NWD1: variants seen among roughly 807,000 people sequenced by gnomAD.
NWD1 encodes NACHT domain- and WD repeat-containing protein 1.
Under a neutral mutation model 135.1 loss-of-function variants are expected in NWD1, and 129 were observed. The ratio of observed to expected loss-of-function variants is 0.96; its 90% CI spans 0.83 to 1.11. The LOEUF (loss-of-function observed/expected upper bound fraction) is 1.11. Ranked by LOEUF, NWD1 falls within the 50% of genes least tolerant of loss-of-function variation. The pLI is 0.00. For missense variants in NWD1, 1,740 were observed against 1,851.3 expected, an observed-to-expected ratio of 0.94 and a Z score of 1.10; for synonymous variants, 773 against 786.0, an observed-to-expected ratio of 0.98 and a Z score of 0.28.
chr19:16,745,147 G>A (rs1375751616), intron 5 of NWD1: 2 of 447,454 alleles, frequency 4.5e-6, no homozygotes, highest in African/African-American at 2.0e-5. Context: ...CATGGTGGCA[G>A]GTAAGACAGA....
intron 16 of NWD1, among the ~76,000 whole-genome samples, chr19:16,799,387 G>A (rs981970823): frequency 2.0e-5 from 3 of 151,852 alleles, no homozygotes; most frequent in Admixed American, 1.3e-4. Flanking sequence ...GTAGAGATGG[G>A]GTTTCACCAT....
chr19:16,746,904 T>C (rs1193979238), intron 5 of NWD1, among the ~76,000 whole-genome samples: 2 of 152,132 alleles, frequency 1.3e-5, no homozygotes, highest in African/African-American at 4.8e-5. Flanking sequence ...GAGGAGGGGT[T>C]GGTCTTGCTG....
chr19:16,749,564 G>T lies in NWD1; in HGVS notation c.922G>T (p.Val308Phe). The T allele has an allele frequency of 6.2e-7, 1 of 1,613,502 alleles. No homozygotes were observed. The highest frequency in any genetic ancestry group is 2.2e-5 in the East Asian group (1 of 44,858). Reference protein sequence around the residue: ...IRHHLWQSSEVIQTFCGRQEL... With the variant: ...IRHHLWQSSEFIQTFCGRQEL... ...CCACCACCTTTGGCAGAGCTCGGAGGTCATTCAGACCTTCTGCGGACGCCA... is the reference window on the plus strand; with the variant it reads ...CCACCACCTTTGGCAGAGCTCGGAGTTCATTCAGACCTTCTGCGGACGCCA... Residue 308 changes from valine (V) to phenylalanine (F), a missense_variant, in exon 6 of 19, where the codon GTC becomes TTC. Transcript: ENST00000524140.
At position 16,797,865 on chromosome 19, in the gene NWD1, G is replaced by A; in HGVS notation, c.3438G>A (p.Gly1146=). The change falls in exon 16 of 19, where the codon GGG becomes GGA. Residue 1146 remains glycine, a synonymous_variant. Transcript: ENST00000524140. ...FGTENNLIIT[G]SLDALIQVWS... ...CTGAGAACAACCTGATCATCACGGG[G>A]TCCCTTGATGCGCTCATTCAGGTGA... 6.2e-7 allele frequency: 1 copy of A among 1,613,878 alleles called. No individual in the cohort carries two copies. The highest frequency in any genetic ancestry group is 1.1e-5 in the South Asian group (1 of 91,066).
chr19:16,756,212 A>ATT (rs1189352737), intron 6 of NWD1, among the ~76,000 whole-genome samples: 1 of 152,156 alleles, frequency 6.6e-6, no homozygotes, highest in Non-Finnish European at 1.5e-5. Context: ...AGATCACGCC[A>ATT]TTGCACTTGA....
At chr19:16,782,937 CCCTT>C (rs1483020968) in intron 12 of NWD1, among the ~76,000 whole-genome samples, 2 of 143,974 alleles carry the variant, frequency 1.4e-5, no homozygotes, top group Non-Finnish European at 3.0e-5. Flanking sequence ...TTCCTTCCTT[CCCTT>C]CCTTCCCCCC....
At chr19:16,757,832 A>G (rs1165977200) in intron 6 of NWD1, among the ~76,000 whole-genome samples, 1 of 152,126 alleles carries the variant, frequency 6.6e-6, no homozygotes, top group Non-Finnish European at 1.5e-5. Context: ...CAGGCAGATC[A>G]CCTGAGATCA....
intron 10 of NWD1, among the ~76,000 whole-genome samples, chr19:16,767,329 G>A (rs1000368376): frequency 1.8e-4 from 28 of 151,764 alleles, no homozygotes; most frequent in African/African-American, 6.5e-4. Context: ...TAAAACCATC[G>A]GACGGCCAGG....
rs11307357 is a variant in NWD1 at position 16,751,224 on chromosome 19, C to CA, written c.1769+830dup. 9.8e-3 allele frequency among the ~76,000 whole-genome samples: 1,123 copies of CA among 114,294 alleles called. 7 individuals carry two copies. Among genetic ancestry groups the CA allele is most frequent in the South Asian group, 0.035 (127 of 3,646 alleles). The allele number at this position is 114,294 out of a possible 152,430, so 75.0% of individuals were successfully genotyped here. A position where few individuals can be genotyped will look rare whatever the true frequency, so the allele number is the denominator to read the frequency against. ...GGGCAACAAGAGCAAAACTCGATCT[C>CA]AAAAAAAAAAAAAAAAATGCAATAA... On this transcript the variant is annotated intron_variant, in intron 6 of 18. Transcript: ENST00000524140.
rs1968517362 is a variant in NWD1, at chr19:16,750,203, G to A, written c.1561G>A (p.Asp521Asn). The stretch of plus-strand genomic sequence containing the variant: ...GAGGACGCTGAGCCCGGTGCACACA[G>A]ATTTGCTCTGGGCCAGCCTCCCAGA... ...ARRTLSPVHT[D>N]LLWASLPECG... The change falls in exon 6 of 19, where the codon GAT (aspartate) becomes AAT (asparagine). Residue 521 changes from aspartate (D) to asparagine (N), a missense_variant. Physicochemically the swap from Asp to Asn is conservative, Grantham distance 23. Transcript: ENST00000524140. The A allele has an allele frequency of 6.8e-6, 11 of 1,613,412 alleles. No individual in the cohort carries two copies. Among genetic ancestry groups the A allele is most frequent in the Non-Finnish European group, 9.3e-6 (11 of 1,179,752 alleles).
Position 16,736,724 on chromosome 19 carries a change from A to C in NWD1, c.172A>C (p.Lys58Gln), listed in dbSNP as rs1568338335. ...LCLEEVDRCW[K>Q]TSIGPAFVAL... The stretch of plus-strand genomic sequence containing the variant: ...CTTGGAGGAGGTTGACCGGTGTTGG[A>C]AAACATCCATAGGGCCAGCTTTTGT... The change falls in exon 4 of 19, where the codon AAA becomes CAA. Residue 58 changes from lysine to glutamine, a missense_variant. By Grantham distance (53) the Lys-to-Gln change is moderately conservative (BLOSUM62 1). Transcript: ENST00000524140. 3 of 1,535,652 alleles carry C rather than the reference A, an allele frequency of 2.0e-6. No homozygotes were observed. Among genetic ancestry groups the C allele is most frequent in the Non-Finnish European group, 2.6e-6 (3 of 1,146,166 alleles).
At chr19:16,748,685 G>A (rs1197378531) in intron 5 of NWD1, among the ~76,000 whole-genome samples, 2 of 152,046 alleles carry the variant, frequency 1.3e-5, no homozygotes, top group Non-Finnish European at 2.9e-5. Context: ...TTAGCCAGGC[G>A]TGCTAGTGCA....
At chr19:16,769,063 G>A (rs964668113) in intron 10 of NWD1, among the ~76,000 whole-genome samples, 1 of 152,186 alleles carries the variant, frequency 6.6e-6, no homozygotes, top group African/African-American at 2.4e-5. Context: ...CGGCCGGGGT[G>A]GCTCAAGCCT....
intron 10 of NWD1, among the ~76,000 whole-genome samples, chr19:16,771,412 C>T (rs908738238): frequency 6.6e-6 from 1 of 152,096 alleles, no homozygotes; most frequent in Non-Finnish European, 1.5e-5. Context: ...ATCACGCCAC[C>T]GCACTCCAAC....
chr19:16,727,689 T>G (rs73008524), intron 2 of NWD1: 1,887 of 153,304 alleles, frequency 0.012, 19 homozygotes, highest in Non-Finnish European at 0.02. Context: ...GTGCAGGGTA[T>G]GGATGGGGGC....
At chr19:16,761,592 AC>A (rs1483189839) in intron 7 of NWD1, among the ~76,000 whole-genome samples, 1 of 151,332 alleles carries the variant, frequency 6.6e-6, no homozygotes, top group Non-Finnish European at 1.5e-5. Flanking sequence ...TGAACTCCTG[AC>A]CTCAGGTGAT....
intron 17 of NWD1, among the ~76,000 whole-genome samples, chr19:16,807,122 A>G (rs1407884212): frequency 6.6e-6 from 1 of 150,440 alleles, no homozygotes; most frequent in Non-Finnish European, 1.5e-5. Context: ...CAAAAGTTGG[A>G]GGCTGCAGTG....
chr19:16,773,240 C>G lies in NWD1; in HGVS notation c.2525C>G (p.Ala842Gly). The G allele has an allele frequency of 6.2e-7, 1 of 1,613,756 alleles. No individual in the cohort carries two copies. Among genetic ancestry groups the G allele is most frequent in the East Asian group, 2.2e-5 (1 of 44,876 alleles). Residue 842 changes from alanine to glycine, a missense_variant, in exon 11 of 19, where the codon GCA becomes GGA. Ala to Gly is a moderately conservative substitution (Grantham distance 60). Coordinates refer to ENST00000524140, the MANE Select transcript of NWD1 (RefSeq NM_001007525.5). ...GCCCAGAGCTGGTTCCAGTTGTGCGCACACCCTGTGCTGGTGCCCCTCGGA... is the reference window on the plus strand; with the variant it reads ...GCCCAGAGCTGGTTCCAGTTGTGCGGACACCCTGTGCTGGTGCCCCTCGGA... ...QQAQSWFQLC[A>G]HPVLVPLGGF...
chr19:16,807,388 G>C (rs188825171), intron 17 of NWD1, among the ~76,000 whole-genome samples, 198 bp from the exon 18 acceptor site: 2 of 152,226 alleles, frequency 1.3e-5, no homozygotes, highest in East Asian at 3.9e-4. Context: ...AGCTACTCGG[G>C]AGGCTGCGGC....
Sources: allele counts gnomAD v4.1 joint callset (sites outside exome capture counted in the v4.1 genomes callset), GRCh38; gene constraint gnomAD v4.1.1; transcripts MANE v1.5; gene names NCBI Gene and HGNC (gene_info 2026-07-23, HGNC 2026-07-21).